Variants in SOCS5 observed in about 807,000 individuals in gnomAD.
The protein encoded by SOCS5 is CIS-6.
SOCS5 carries 32 observed loss-of-function variants against 42.8 expected under a neutral mutation model. That is an observed-to-expected ratio of 0.75 (90% CI 0.56 to 1.01). SOCS5 has a LOEUF of 1.01. Among genes scored for constraint, SOCS5 ranks in the 50% least tolerant of loss-of-function variants. The pLI, the probability that SOCS5 is intolerant of heterozygous loss-of-function variation, is 0.00. For synonymous variants in SOCS5, 283 were observed against 229.6 expected, an observed-to-expected ratio of 1.23 and a Z score of -2.10; for missense variants, 627 against 653.0, an observed-to-expected ratio of 0.96 and a Z score of 0.43.
In SOCS5 at chr2:46,758,994, G is replaced by T; in HGVS notation, c.464G>T (p.Arg155Leu). ...TRSGLQRRER[R>L]YGVSSVHDMD... ...AGTGGACTTCAAAGGAGAGAGAGGCGCTACGGCGTAAGTTCTGTACACGAC... is the reference window on the plus strand; with the variant it reads ...AGTGGACTTCAAAGGAGAGAGAGGCTCTACGGCGTAAGTTCTGTACACGAC... The change falls in exon 2 of 2, where the codon CGC becomes CTC. Residue 155 changes from arginine to leucine, a missense_variant. Around this residue, in one of 3 missense-constraint regions of SOCS5, gnomAD observed 278 missense variants for 246.3 expected, o/e 1.13. Transcript: ENST00000394861. The T allele has an allele frequency of 6.2e-7, 1 of 1,613,946 alleles. No homozygotes were observed. The highest frequency in any genetic ancestry group is 2.2e-5 in the East Asian group (1 of 44,890).
At chr2:46,728,250 T>C (rs1673039857) in intron 1 of SOCS5, among the ~76,000 whole-genome samples, 1 of 152,204 alleles carries the variant, frequency 6.6e-6, no homozygotes, top group Non-Finnish European at 1.5e-5. Flanking sequence ...CCATTTACTT[T>C]TCAGAATCTT....
intron 1 of SOCS5, among the ~76,000 whole-genome samples, chr2:46,711,034 G>T (rs1378029915): frequency 6.6e-6 from 1 of 152,160 alleles, no homozygotes; most frequent in Non-Finnish European, 1.5e-5. Context: ...TTGTAGAGTA[G>T]TATTCCATTA....
At position 46,746,142 on chromosome 2, in the gene SOCS5, T is replaced by G. The variant is rs141646374; in HGVS notation, c.-12-12377T>G. On this transcript the variant is annotated intron_variant, in intron 1 of 1. Coordinates refer to ENST00000394861, the MANE Select transcript of SOCS5 (RefSeq NM_144949.3). Reference sequence around the variant, plus strand: ...TGAGGGTGGAGAAAGGTAGACTGTTTAGGCATCTGATTCATCCATGCAAAT... The same window carrying G: ...TGAGGGTGGAGAAAGGTAGACTGTTGAGGCATCTGATTCATCCATGCAAAT... 4.6e-5 allele frequency among the ~76,000 whole-genome samples: 7 copies of G among 152,138 alleles called. No individual in the cohort carries two copies. In the South Asian group the frequency reaches 6.2e-4, roughly 14 times the overall value.
intron 1 of SOCS5, among the ~76,000 whole-genome samples, chr2:46,718,087 C>T (rs1453717203): frequency 1.5e-5 from 1 of 65,316 alleles, no homozygotes; most frequent in South Asian, 6.3e-4. Flanking sequence ...CAGTGAGATT[C>T]TTGTGTTTTG....
chr2:46,751,906 G>T (rs1673630982), intron 1 of SOCS5, among the ~76,000 whole-genome samples: 2 of 152,122 alleles, frequency 1.3e-5, no homozygotes, highest in African/African-American at 2.4e-5. Context: ...AAAATCAGAA[G>T]AATAATATTT....
rs901543988 is a variant in SOCS5 at position 46,699,739 on chromosome 2, G to A, written c.-13+290G>A. 6.6e-6 allele frequency among the ~76,000 whole-genome samples: 1 copy of A among 152,204 alleles called. No homozygotes were observed. The highest frequency in any genetic ancestry group is 1.5e-5 in the Non-Finnish European group (1 of 68,026). On this transcript the variant is annotated intron_variant, in intron 1 of 1. Transcript: ENST00000394861. The surrounding 1 kb of genome is among the most constrained non-coding windows in gnomAD (Gnocchi z 4.8). ...TGTGGAATTGTTTTTCTGGTTGGAG[G>A]AACGTGGGGTTCCTAAGGGGAAGGG... is the stretch of plus-strand genomic sequence containing the variant.
At chr2:46,751,778 T>C (rs1673627922) in intron 1 of SOCS5, among the ~76,000 whole-genome samples, 1 of 151,992 alleles carries the variant, frequency 6.6e-6, no homozygotes, top group Non-Finnish European at 1.5e-5. Context: ...TTAAATGTTT[T>C]ATGTAGTACA....
intron 1 of SOCS5, among the ~76,000 whole-genome samples, chr2:46,739,514 A>G (rs1673323203): frequency 6.6e-6 from 1 of 152,166 alleles, no homozygotes; most frequent in Non-Finnish European, 1.5e-5. Flanking sequence ...AAAAGAATAA[A>G]TACATTATAA....
At position 46,759,921 on chromosome 2, in the gene SOCS5, C is replaced by T. The variant is rs149307689; in HGVS notation, c.1391C>T (p.Ser464Leu). Residue 464 changes from serine (S) to leucine (L), a missense_variant, in exon 2 of 2, where the codon TCG becomes TTG. This residue lies in a region of SOCS5 where 340 missense variants were observed against 367.6 expected (regional missense o/e 0.92). Transcript: ENST00000394861. ...TTAGAACATTATAAAGATCCCAGTTCGTGCATGTTTTTTGAACCATTGCTT... is the reference window on the plus strand; with the variant it reads ...TTAGAACATTATAAAGATCCCAGTTTGTGCATGTTTTTTGAACCATTGCTT... ...GLLEHYKDPS[S>L]CMFFEPLLTI... 4.3e-6 allele frequency: 7 copies of T among 1,613,976 alleles called. No individual in the cohort carries two copies. The highest frequency in any genetic ancestry group is 1.7e-5 in the Admixed American group (1 of 59,996).
At chr2:46,752,535 G>A (rs1673646933) in intron 1 of SOCS5, among the ~76,000 whole-genome samples, 1 of 137,830 alleles carries the variant, frequency 7.3e-6, no homozygotes, top group African/African-American at 2.5e-5. Context: ...CAATATATTT[G>A]GGGGTTTGCT....
chr2:46,759,850 C>T lies in SOCS5; in HGVS notation c.1320C>T (p.Asp440=), dbSNP rs1341383046. The change falls in exon 2 of 2, where the codon GAC becomes GAT. Residue 440 remains aspartate, a synonymous_variant. Coordinates refer to ENST00000394861, the MANE Select transcript of SOCS5 (RefSeq NM_144949.3). ...IEQWNHNFSF[D]AHDPCVFHSS... ...AGTGGAATCACAACTTTAGTTTCGA[C>T]GCCCATGACCCGTGTGTATTTCACT... is the stretch of plus-strand genomic sequence containing the variant. 16 of 1,614,066 alleles carry T rather than the reference C, an allele frequency of 9.9e-6. No individual in the cohort carries two copies. In the South Asian group the frequency reaches 1.5e-4, roughly 16 times the overall value.
At chr2:46,721,618 A>C (rs1187099491) in intron 1 of SOCS5, among the ~76,000 whole-genome samples, 1 of 152,218 alleles carries the variant, frequency 6.6e-6, no homozygotes, top group Non-Finnish European at 1.5e-5. Flanking sequence ...AATTAGGAAG[A>C]GTGAGATAGG....
At position 46,758,594 on chromosome 2, in the gene SOCS5, G is replaced by A; in HGVS notation, c.64G>A (p.Glu22Lys). The A allele has an allele frequency of 3.1e-6, 5 of 1,613,480 alleles. No individual in the cohort carries two copies. Among genetic ancestry groups the A allele is most frequent in the Non-Finnish European group, 4.2e-6 (5 of 1,179,574 alleles). The change falls in exon 2 of 2, where the codon GAG becomes AAG. Residue 22 changes from glutamate (E) to lysine (K), a missense_variant. Physicochemically the swap from Glu to Lys is moderately conservative, Grantham distance 56. This residue lies in a region of SOCS5 where 278 missense variants were observed against 246.3 expected (regional missense o/e 1.13). Coordinates refer to ENST00000394861, the MANE Select transcript of SOCS5 (RefSeq NM_144949.3). ...CAGGTGTCAGAATCTCTTCGGTCAT[G>A]AGGGAGGAAGCCGTAGTGAAAATGT... ...KYRCQNLFGH[E>K]GGSRSENVDM... is the part of the protein sequence containing the mutation.
At chr2:46,730,252 T>C (rs1029266262) in intron 1 of SOCS5, among the ~76,000 whole-genome samples, 1 of 152,324 alleles carries the variant, frequency 6.6e-6, no homozygotes, top group East Asian at 1.9e-4. Flanking sequence ...AGTTTCAGGA[T>C]ATTAATACTG....
chr2:46,731,894 G>A (rs546907542), intron 1 of SOCS5, among the ~76,000 whole-genome samples: 25 of 152,310 alleles, frequency 1.6e-4, no homozygotes, highest in African/African-American at 5.8e-4. Context: ...AAAAAGACCT[G>A]AAGTTTGCAT....
At chr2:46,750,455 GTCTTCTTTTT>G (rs1200522340) in intron 1 of SOCS5, among the ~76,000 whole-genome samples, 1 of 151,962 alleles carries the variant, frequency 6.6e-6, no homozygotes, top group African/African-American at 2.4e-5. Context: ...TTGGTTCTGT[GTCTTCTTTTT>G]TCTTCTTTTT....
intron 1 of SOCS5, among the ~76,000 whole-genome samples, chr2:46,707,944 C>T (rs1166829235): frequency 2.6e-5 from 4 of 152,142 alleles, no homozygotes; most frequent in South Asian, 2.1e-4. Context: ...TCATCTAACA[C>T]GAAGTCTGTT....
chr2:46,713,698 G>A (rs1050632914), intron 1 of SOCS5, among the ~76,000 whole-genome samples: 6 of 150,844 alleles, frequency 4.0e-5, no homozygotes, highest in African/African-American at 1.5e-4. Flanking sequence ...CCTTACTTTG[G>A]GTTTAATTTG....
chr2:46,746,420 G>A (rs1387470919), intron 1 of SOCS5, among the ~76,000 whole-genome samples: 3 of 152,156 alleles, frequency 2.0e-5, no homozygotes, highest in African/African-American at 7.2e-5. Context: ...GGGAGGCCGA[G>A]GTGGGTGGAT....
Sources: gnomAD v4.1 joint callset for allele counts (sites outside exome capture counted in the v4.1 genomes callset) on GRCh38, gnomAD v4.1.1 for gene constraint, gnomAD v4.1.1 regional missense constraint, Gnocchi (gnomAD v3.1) non-coding constraint, MANE v1.5 for transcripts, NCBI Gene and HGNC (gene_info 2026-07-23, HGNC 2026-07-21) for gene names.